TAOK3: variants seen among roughly 807,000 people sequenced by gnomAD.
The protein encoded by TAOK3 is TAO kinase 3, also known as serine/threonine-protein kinase TAO3.
Under a neutral mutation model 120.4 loss-of-function variants are expected in TAOK3, and 40 were observed. The ratio of observed to expected loss-of-function variants is 0.33; its 90% CI spans 0.26 to 0.43. The LOEUF (loss-of-function observed/expected upper bound fraction) is 0.43. Ranked by LOEUF, TAOK3 falls within the 20% of genes least tolerant of loss-of-function variation. The pLI is 1.00. For synonymous variants in TAOK3, 355 were observed against 387.5 expected (o/e 0.92, Z 0.99); for missense variants, 821 against 1,112.1 (o/e 0.74, Z 3.72).
In TAOK3 at chr12:118,197,758, G is replaced by C. The variant is rs868219986; in HGVS notation, c.1194+1293C>G. 4.5e-4 allele frequency among the ~76,000 whole-genome samples: 65 copies of C among 145,246 alleles called. No homozygotes were observed. The Middle Eastern group carries it at 0.011, about 25-fold the overall frequency. On this transcript the variant is annotated intron_variant, in intron 13 of 20. Coordinates refer to ENST00000392533, the MANE Select transcript of TAOK3 (RefSeq NM_016281.4). Reference sequence around the variant, plus strand: ...GCTGGAGTGCAGTGGCGCAATCCTGGCTCACTGCAAGCTCCGCCTCCCAGG... The same window carrying C: ...GCTGGAGTGCAGTGGCGCAATCCTGCCTCACTGCAAGCTCCGCCTCCCAGG...
At chr12:118,340,374 G>C (rs543751787) in intron 1 of TAOK3, among the ~76,000 whole-genome samples, 95 of 152,152 alleles carry the variant, frequency 6.2e-4, no homozygotes, top group African/African-American at 2.2e-3. Flanking sequence ...TCTCCCCCTT[G>C]TTTTCTTTTG....
At position 118,189,858 on chromosome 12, in the gene TAOK3, G is replaced by A. The variant is rs2037331380; in HGVS notation, c.1278C>T (p.Ala426=). 1.9e-6 allele frequency: 3 copies of A among 1,614,054 alleles called. No homozygotes were observed. In the African/African-American group the frequency reaches 4.0e-5, roughly 22 times the overall value. The change falls in exon 14 of 21, where the codon GCC becomes GCT. Residue 426 remains alanine (A), a synonymous_variant. Transcript: ENST00000392533. ...PRPTQSVQSQ[A]LHYRNRERFA... is the part of the protein sequence containing the mutation. ...AGCGCTCTCTGTTCCGGTAGTGGAG[G>A]GCCTGGCTCTGAACTGACTGGGTAG...
intron 1 of TAOK3, among the ~76,000 whole-genome samples, chr12:118,324,569 G>T (rs1367909387): frequency 2.0e-5 from 3 of 150,950 alleles, no homozygotes; most frequent in Non-Finnish European, 4.4e-5. Flanking sequence ...CCAGCCTCTG[G>T]TAACCATCAT....
intron 15 of TAOK3, among the ~76,000 whole-genome samples, chr12:118,177,719 A>G (rs1484107418): frequency 6.6e-6 from 1 of 152,080 alleles, no homozygotes; most frequent in Non-Finnish European, 1.5e-5. Flanking sequence ...GCTACTCTGG[A>G]GGCTGAGGCA....
At chr12:118,345,803 T>C (rs2044833181) in intron 1 of TAOK3, among the ~76,000 whole-genome samples, 1 of 151,890 alleles carries the variant, frequency 6.6e-6, no homozygotes, top group Non-Finnish European at 1.5e-5. Flanking sequence ...GACAGAGATA[T>C]TGATTAAGGA....
At chr12:118,177,148 A>G in intron 16 of TAOK3, 53 bp downstream of exon 16, 1 of 1,571,856 alleles carries the variant, frequency 6.4e-7, no homozygotes, top group Non-Finnish European at 8.7e-7. Context: ...GTGAATGTTA[A>G]GTTCCAACCA....
intron 1 of TAOK3, among the ~76,000 whole-genome samples, chr12:118,318,240 C>T (rs2043554622): frequency 6.6e-6 from 1 of 151,662 alleles, no homozygotes; most frequent in Admixed American, 6.6e-5. Flanking sequence ...TCACTGCAAC[C>T]TCCGCCTCCT....
chr12:118,238,730 G>GCCC (rs942556481), intron 6 of TAOK3, among the ~76,000 whole-genome samples: 1 of 151,786 alleles, frequency 6.6e-6, no homozygotes, highest in Non-Finnish European at 1.5e-5. Context: ...GAATTCCTGG[G>GCCC]CTCAAGTGAT....
In TAOK3 at chr12:118,172,497, A is replaced by G. The variant is rs139184128; in HGVS notation, c.1859T>C (p.Met620Thr). ...KNCRFFKRKI[M>T]IKRHEVEQQN... Reference sequence around the variant, plus strand: ...CTGCTCCACCTCGTGCCGCTTGATCATTATTTTCCGCTTGAAGAAACGACA... The same window carrying G: ...CTGCTCCACCTCGTGCCGCTTGATCGTTATTTTCCGCTTGAAGAAACGACA... Residue 620 changes from methionine (M) to threonine (T), a missense_variant, in exon 17 of 21, where the codon ATG becomes ACG. Around this residue, in one of 2 missense-constraint regions of TAOK3, gnomAD observed 354 missense variants for 572.1 expected, o/e 0.62. Coordinates refer to ENST00000392533, the MANE Select transcript of TAOK3 (RefSeq NM_016281.4). The G allele has an allele frequency of 5.8e-5, 93 of 1,614,056 alleles. No individual in the cohort carries two copies. The highest frequency in any genetic ancestry group is 7.8e-5 in the Non-Finnish European group (92 of 1,180,030).
chr12:118,345,727 A>G (rs1206080479), intron 1 of TAOK3, among the ~76,000 whole-genome samples: 1 of 152,168 alleles, frequency 6.6e-6, no homozygotes, highest in East Asian at 1.9e-4. Flanking sequence ...CTGGAAACCA[A>G]GTTCTTATGG....
At chr12:118,223,062 C>CTTTCTT (rs2039316483) in intron 9 of TAOK3, among the ~76,000 whole-genome samples, 1 of 120,094 alleles carries the variant, frequency 8.3e-6, no homozygotes, top group Non-Finnish European at 1.7e-5. Flanking sequence ...TTCTTTCTTT[C>CTTTCTT]TTTTTTTTTT....
rs2039747112 is a variant in TAOK3, at chr12:118,230,827, A to G, written c.643+2847T>C. The stretch of plus-strand genomic sequence containing the variant: ...GTTCGTTATAAGCCCTTTTTAAAAC[A>G]TGCAAATATTTCTGCTGAGTGGCCC... On this transcript the variant is annotated intron_variant, in intron 9 of 20. Transcript: ENST00000392533. Among the ~76,000 whole-genome samples the G allele has an allele frequency of 2.0e-5, 3 of 152,126 alleles. No homozygotes were observed. In the South Asian group the frequency reaches 6.2e-4, roughly 32 times the overall value.
intron 14 of TAOK3, among the ~76,000 whole-genome samples, chr12:118,182,537 A>G (rs1413656433): frequency 6.7e-6 from 1 of 150,190 alleles, no homozygotes; most frequent in Non-Finnish European, 1.5e-5. Context: ...TTGGGAACAA[A>G]ATTCCTCTAG....
intron 1 of TAOK3, chr12:118,297,258 G>C (rs541650255): frequency 3.3e-5 from 5 of 152,272 alleles, no homozygotes; most frequent in African/African-American, 1.2e-4. Flanking sequence ...TGAAACCCCA[G>C]ATACCAGTCA....
chr12:118,196,042 T>C lies in TAOK3; in HGVS notation c.1194+3009A>G, dbSNP rs1448736127. 4.4e-5 allele frequency among the ~76,000 whole-genome samples: 6 copies of C among 137,374 alleles called. No homozygotes were observed. The East Asian group carries it at 1.3e-3, about 30-fold the overall frequency. The allele number at this position is 137,374 out of a possible 152,430, so 90.1% of individuals were successfully genotyped here. The stretch of plus-strand genomic sequence containing the variant: ...TCCAGCCTGGGCGACAGCACGAGAC[T>C]CCATCTCAAAATAAATAAATAAATA... On this transcript the variant is annotated intron_variant, in intron 13 of 20. Coordinates refer to ENST00000392533, the MANE Select transcript of TAOK3 (RefSeq NM_016281.4).
intron 19 of TAOK3, chr12:118,159,831 G>A: frequency 5.4e-6 from 2 of 367,416 alleles, no homozygotes; most frequent in Non-Finnish European, 5.0e-6. Flanking sequence ...GTTGCGGGGA[G>A]GGCAGTCAGT....
At chr12:118,187,173 T>G (rs1278290250) in intron 14 of TAOK3, among the ~76,000 whole-genome samples, 1 of 152,186 alleles carries the variant, frequency 6.6e-6, no homozygotes, top group Admixed American at 6.5e-5. Context: ...TTGGACCTCT[T>G]TGTGACTTGT....
chr12:118,216,247 C>A, intron 9 of TAOK3, among the ~76,000 whole-genome samples: 1 of 152,226 alleles, frequency 6.6e-6, no homozygotes, highest in South Asian at 2.1e-4. Context: ...CCTGCCTCAG[C>A]CTCCCAAAGT....
intron 11 of TAOK3, among the ~76,000 whole-genome samples, chr12:118,202,617 A>C (rs1460503486): frequency 2.0e-5 from 3 of 152,028 alleles, no homozygotes; most frequent in Non-Finnish European, 4.4e-5. Context: ...ATAATTAGTG[A>C]ATGTTGAGTA....
Sources: gnomAD v4.1 joint callset for allele counts (sites outside exome capture counted in the v4.1 genomes callset) on GRCh38, gnomAD v4.1.1 for gene constraint, gnomAD v4.1.1 regional missense constraint, MANE v1.5 for transcripts, NCBI Gene and HGNC (gene_info 2026-07-23, HGNC 2026-07-21) for gene names.